The following GRIN3A variants were observed in gnomAD, a reference collection of about 807,000 sequenced individuals.
The protein encoded by GRIN3A is glutamate receptor ionotropic, NMDA 3A.
GRIN3A carries 47 observed loss-of-function variants against 92.4 expected under a neutral mutation model. That is an observed-to-expected ratio of 0.51 (90% CI 0.40 to 0.65). The LOEUF is 0.65. Among genes scored for constraint, GRIN3A ranks in the 30% least tolerant of loss-of-function variants. GRIN3A has a pLI of 0.00. For synonymous variants in GRIN3A, 527 were observed against 540.6 expected (o/e 0.97, Z 0.35); for missense variants, 1,324 against 1,393.1 (o/e 0.95, Z 0.79).
intron 6 of GRIN3A, among the ~76,000 whole-genome samples, chr9:101,611,540 A>T (rs9299347): frequency 0.54 from 81,891 of 151,978 alleles, 22,607 homozygotes; most frequent in African/African-American, 0.67. Context: ...CCAATTTCAC[A>T]CCCGATGTAT....
At chr9:101,627,640 C>A (rs4743476) in intron 4 of GRIN3A, among the ~76,000 whole-genome samples, 30 of 152,022 alleles carry the variant, frequency 2.0e-4, no homozygotes, top group African/African-American at 5.8e-4. Context: ...CAGAACAGAC[C>A]CATCACTGCA....
chr9:101,655,596 T>C (rs534712792), intron 3 of GRIN3A, among the ~76,000 whole-genome samples: 10 of 152,042 alleles, frequency 6.6e-5, no homozygotes, highest in African/African-American at 1.9e-4. Flanking sequence ...GTCCCAAAAA[T>C]TATGATGGAT....
At chr9:101,727,606 T>C (rs962914476) in intron 1 of GRIN3A, among the ~76,000 whole-genome samples, 1 of 152,164 alleles carries the variant, frequency 6.6e-6, no homozygotes, top group Non-Finnish European at 1.5e-5. Flanking sequence ...CATTTTGAGA[T>C]ATCTTACTTT....
chr9:101,686,869 T>G lies in GRIN3A; in HGVS notation c.1031A>C (p.Gln344Pro). ...AAGTTCAGGGGGCATGACCCCAAACTGGGTTGTAATTTCGAAAATCCGCCG... is the reference window on the plus strand; with the variant it reads ...AAGTTCAGGGGGCATGACCCCAAACGGGGTTGTAATTTCGAAAATCCGCCG... ...SIRRIFEITTQFGVMPPELRW... is the reference protein window; with the variant it reads ...SIRRIFEITTPFGVMPPELRW... Residue 344 changes from glutamine to proline, a missense_variant, in exon 2 of 9, where the codon CAG (glutamine) becomes CCG (proline). Coordinates refer to ENST00000361820, the MANE Select transcript of GRIN3A (RefSeq NM_133445.3). 1 of 1,614,218 alleles carries G rather than the reference T, an allele frequency of 6.2e-7. No homozygotes were observed. Among genetic ancestry groups the G allele is most frequent in the Non-Finnish European group, 8.5e-7 (1 of 1,180,036 alleles).
rs369375033 is a variant in GRIN3A at position 101,654,316 on chromosome 9, A to T, written c.2352+15744T>A. On this transcript the variant is annotated intron_variant, in intron 3 of 8. Transcript: ENST00000361820. The stretch of plus-strand genomic sequence containing the variant: ...ATATACCTATGCACACACATATCAA[A>T]TATACATAAGTACTATATTATACAT... Among the ~76,000 whole-genome samples the T allele has an allele frequency of 1.6e-4, 24 of 151,434 alleles. No homozygotes were observed. In the East Asian group the frequency reaches 3.7e-3, roughly 23 times the overall value.
At chr9:101,692,325 T>G (rs559722570) in intron 1 of GRIN3A, among the ~76,000 whole-genome samples, 3 of 152,168 alleles carry the variant, frequency 2.0e-5, no homozygotes, top group Non-Finnish European at 4.4e-5. Flanking sequence ...CCAGTCAGCA[T>G]GCAAGTTAAG....
In GRIN3A at chr9:101,570,710, G is replaced by C. The variant is rs545649630; in HGVS notation, c.*2464C>G. On this transcript the variant is annotated 3_prime_UTR_variant, in exon 9 of 9. Transcript: ENST00000361820. ...CTTTGTGGATAGGCAGGGCGATCTG[G>C]CATGTGATCACCACTGCTCAGAATG... The C allele has an allele frequency of 1.3e-5, 2 of 152,726 alleles. No individual in the cohort carries two copies. Among genetic ancestry groups the C allele is most frequent in the South Asian group, 4.1e-4 (2 of 4,828 alleles). The allele number at this position is 152,726 out of a possible 1,614,324, so 9.5% of individuals were successfully genotyped here.
At chr9:101,614,474 A>G (rs984306213) in intron 5 of GRIN3A, among the ~76,000 whole-genome samples, 1 of 152,190 alleles carries the variant, frequency 6.6e-6, no homozygotes, top group South Asian at 2.1e-4. Context: ...GATGATCCTT[A>G]GTAATATGCC....
chr9:101,728,496 A>C (rs1830103497), intron 1 of GRIN3A, among the ~76,000 whole-genome samples: 1 of 152,208 alleles, frequency 6.6e-6, no homozygotes, highest in African/African-American at 2.4e-5. Context: ...ACACAAAGGA[A>C]AATCTCACCT....
chr9:101,676,450 A>G (rs1171279724), intron 2 of GRIN3A, among the ~76,000 whole-genome samples: 1 of 151,852 alleles, frequency 6.6e-6, no homozygotes. Flanking sequence ...TCTTTCTCTT[A>G]TATCTTGAAA....
chr9:101,631,278 A>G lies in GRIN3A; in HGVS notation c.2353-2877T>C, dbSNP rs188477756. On this transcript the variant is annotated intron_variant, in intron 3 of 8. Transcript: ENST00000361820. ...TAATTGATAACTGTTCTTTGAACTTAGAGGAAGGTGACAGCTTTGTCATCT... is the reference window on the plus strand; with the variant it reads ...TAATTGATAACTGTTCTTTGAACTTGGAGGAAGGTGACAGCTTTGTCATCT... Among the ~76,000 whole-genome samples the G allele has an allele frequency of 2.0e-5, 3 of 152,314 alleles. No homozygotes were observed. The East Asian group carries it at 5.8e-4, about 29-fold the overall frequency.
intron 2 of GRIN3A, among the ~76,000 whole-genome samples, chr9:101,677,904 T>A (rs1829420236): frequency 2.6e-5 from 4 of 152,138 alleles, no homozygotes; most frequent in Admixed American, 2.6e-4. Context: ...AATTTGGCAG[T>A]TTATTTATCT....
intron 2 of GRIN3A, among the ~76,000 whole-genome samples, chr9:101,675,104 G>C (rs986508566): frequency 1.3e-5 from 2 of 151,970 alleles, no homozygotes; most frequent in Non-Finnish European, 2.9e-5. Context: ...TGATAAGGGC[G>C]TGGATCTAAC....
chr9:101,634,809 G>A (rs1262014607), intron 3 of GRIN3A, among the ~76,000 whole-genome samples: 3 of 152,104 alleles, frequency 2.0e-5, no homozygotes, highest in Admixed American at 2.0e-4. Flanking sequence ...AATTTATAGT[G>A]CAAACTGGGA....
intron 6 of GRIN3A, among the ~76,000 whole-genome samples, chr9:101,597,418 T>G (rs1828150737): frequency 6.6e-6 from 1 of 152,160 alleles, no homozygotes; most frequent in South Asian, 2.1e-4. Flanking sequence ...CAGATGGACA[T>G]TAGACAGGTC....
At chr9:101,608,652 G>T (rs569014096) in intron 6 of GRIN3A, among the ~76,000 whole-genome samples, 1 of 151,970 alleles carries the variant, frequency 6.6e-6, no homozygotes, top group Admixed American at 6.6e-5. Flanking sequence ...AAGCACTATC[G>T]AACTTCATTT....
intron 1 of GRIN3A, among the ~76,000 whole-genome samples, chr9:101,735,199 A>C (rs1306837575): frequency 1.3e-5 from 2 of 151,940 alleles, no homozygotes; most frequent in Non-Finnish European, 2.9e-5. Context: ...TAAAGTAAAA[A>C]GGGAGATGAA....
intron 3 of GRIN3A, among the ~76,000 whole-genome samples, chr9:101,629,647 C>T (rs866263448): frequency 6.6e-5 from 10 of 152,198 alleles, no homozygotes; most frequent in Middle Eastern, 3.2e-3. Context: ...CCAGCATAAC[C>T]TTAATGCCAC....
At position 101,677,842 on chromosome 9, in the gene GRIN3A, C is replaced by T. The variant is rs1829419558; in HGVS notation, c.1305-6735G>A. On this transcript the variant is annotated intron_variant, in intron 2 of 8. Coordinates refer to ENST00000361820, the MANE Select transcript of GRIN3A (RefSeq NM_133445.3). ...CATTAAATGTGCGTGATTTCTTGAG[C>T]TTACATGTGAAATGACTCCTTGACT... Among the ~76,000 whole-genome samples the T allele has an allele frequency of 2.0e-5, 3 of 152,236 alleles. No individual in the cohort carries two copies. In the South Asian group the frequency reaches 6.2e-4, roughly 32 times the overall value.
Sources: allele counts gnomAD v4.1 joint callset (sites outside exome capture counted in the v4.1 genomes callset), GRCh38; gene constraint gnomAD v4.1.1; transcripts MANE v1.5; gene names NCBI Gene and HGNC (gene_info 2026-07-23, HGNC 2026-07-21).